The following KIF19 variants were observed in gnomAD, a reference collection of about 807,000 sequenced individuals.
The protein encoded by KIF19 is kinesin-like protein KIF19.
A neutral mutation model predicts 106.6 loss-of-function variants in KIF19; 98 were observed. The observed-to-expected ratio is 0.92, with a 90% CI of 0.78 to 1.09. The LOEUF (loss-of-function observed/expected upper bound fraction) is 1.09. Ranked by LOEUF, KIF19 falls within the 50% of genes least tolerant of loss-of-function variation. The probability of loss-of-function intolerance (pLI) is 0.00; values close to 1 mark genes in which losing one functional copy is unlikely to be tolerated. For missense variants in KIF19, 1,373 were observed against 1,414.3 expected (o/e 0.97, Z 0.47); for synonymous variants, 516 against 584.2 (o/e 0.88, Z 1.68).
At chr17:74,341,151 A>G (rs755530466) in intron 2 of KIF19, among the ~76,000 whole-genome samples, 1 of 152,122 alleles carries the variant, frequency 6.6e-6, no homozygotes, top group Non-Finnish European at 1.5e-5. Context: ...CCTGGCCAAC[A>G]TGGAGAAACC....
chr17:74,353,065 G>A, intron 15 of KIF19, 111 bp downstream of exon 15: 4 of 1,455,652 alleles, frequency 2.7e-6, no homozygotes, highest in Non-Finnish European at 3.8e-6. Flanking sequence ...GGGAGCAGGT[G>A]GCCCAGGTCT....
At chr17:74,339,391 A>G (rs7502071) in intron 2 of KIF19, among the ~76,000 whole-genome samples, 74,090 of 151,648 alleles carry the variant, frequency 0.49, 18,848 homozygotes, top group East Asian at 0.55. Flanking sequence ...GCTCAGTCAC[A>G]ATGATCCATT....
intron 2 of KIF19, among the ~76,000 whole-genome samples, chr17:74,333,479 C>T (rs2054145845): frequency 6.6e-6 from 1 of 150,900 alleles, no homozygotes; most frequent in African/African-American, 2.4e-5. Context: ...TCTTCTGTCT[C>T]AGTCTCCCAA....
At chr17:74,355,040 C>A in intron 19 of KIF19, 99 bp downstream of exon 19, 1 of 1,549,948 alleles carries the variant, frequency 6.5e-7, no homozygotes, top group Non-Finnish European at 8.8e-7. Context: ...CTGCCCCTTG[C>A]TGGAAGCATG....
At chr17:74,340,046 G>A (rs1385683445) in intron 2 of KIF19, among the ~76,000 whole-genome samples, 1 of 152,180 alleles carries the variant, frequency 6.6e-6, no homozygotes, top group African/African-American at 2.4e-5. Context: ...CCAGCGCTGT[G>A]CCCAAGCACA....
rs1365527585 is a variant in KIF19 at position 74,343,065 on chromosome 17, C to T, written c.361C>T (p.Pro121Ser). The change falls in exon 5 of 20, where the codon CCT (proline) becomes TCT (serine). Residue 121 changes from proline (P) to serine (S), a missense_variant. This residue lies in a region of KIF19 where 348 missense variants were observed against 389.5 expected (regional missense o/e 0.89). Transcript: ENST00000389916. The part of the protein sequence containing the change: ...TYTMLGTDQE[P>S]GIYVQTLNDL... ...CACCATGCTGGGCACAGACCAGGAGCCTGGCATCTATGTTCAGACCCTCAA... is the reference window on the plus strand; with the variant it reads ...CACCATGCTGGGCACAGACCAGGAGTCTGGCATCTATGTTCAGACCCTCAA... The T allele has an allele frequency of 1.2e-6, 2 of 1,612,756 alleles. No individual in the cohort carries two copies. The highest frequency in any genetic ancestry group is 1.7e-6 in the Non-Finnish European group (2 of 1,179,718).
chr17:74,332,202 GTGTGTGTT>G (rs766152359), intron 2 of KIF19, among the ~76,000 whole-genome samples: 31,880 of 99,246 alleles, frequency 0.32, 4,178 homozygotes, highest in Admixed American at 0.5. Flanking sequence ...GTGTGTGTGT[GTGTGTGTT>G]TGTGTGTGTG....
At position 74,343,092 on chromosome 17, in the gene KIF19, G is replaced by A. The variant is rs767390990; in HGVS notation, c.388G>A (p.Asp130Asn). 1.4e-5 allele frequency: 22 copies of A among 1,613,020 alleles called. No individual in the cohort carries two copies. The highest frequency in any genetic ancestry group is 2.7e-5 in the African/African-American group (2 of 74,890). ...EPGIYVQTLNDLFRAIEETSN... is the reference protein window; with the variant it reads ...EPGIYVQTLNNLFRAIEETSN... ...TGGCATCTATGTTCAGACCCTCAAC[G>A]ACCTCTTCCGTGCCATCGAGGAGAC... Residue 130 changes from aspartate (D) to asparagine (N), a missense_variant, in exon 5 of 20, where the codon GAC (aspartate) becomes AAC (asparagine). Physicochemically the swap from Asp to Asn is conservative, Grantham distance 23. Transcript: ENST00000389916.
chr17:74,353,369 G>A, intron 16 of KIF19, 68 bp downstream of exon 16: 1 of 1,464,398 alleles, frequency 6.8e-7, no homozygotes, highest in Non-Finnish European at 9.4e-7. Flanking sequence ...GGGGTGGACA[G>A]CAGCAGTTGG....
chr17:74,345,736 G>A (rs998129169), intron 7 of KIF19, among the ~76,000 whole-genome samples: 2 of 152,130 alleles, frequency 1.3e-5, no homozygotes, highest in African/African-American at 2.4e-5. Flanking sequence ...ATCTGGGGTC[G>A]GATCCGAACA....
intron 1 of KIF19, 150 bp downstream of exon 1, chr17:74,326,538 T>C: frequency 1.6e-6 from 1 of 638,026 alleles, no homozygotes; most frequent in South Asian, 2.3e-5. Context: ...TTTCCCCAAG[T>C]CCTGCAGGAT....
At chr17:74,347,445 G>A (rs921819736) in intron 8 of KIF19, among the ~76,000 whole-genome samples, 2 of 151,632 alleles carry the variant, frequency 1.3e-5, no homozygotes, top group East Asian at 1.9e-4. Flanking sequence ...GCTGAGGCAC[G>A]AGAATTGCTT....
intron 8 of KIF19, 88 bp from the exon 9 acceptor site, chr17:74,347,689 C>A: frequency 6.8e-7 from 1 of 1,461,650 alleles, no homozygotes; most frequent in South Asian, 1.3e-5. Context: ...AGAGAGATTG[C>A]ACTCGCCAGG....
chr17:74,351,872 G>A lies in KIF19; in HGVS notation c.1593G>A (p.Ala531=), dbSNP rs748084952. Residue 531 remains alanine (A), a synonymous_variant, in exon 13 of 20, where the codon GCG becomes GCA. Transcript: ENST00000389916. ...CTGACCTGCGCCTCCTGCAGCTGGC[G>A]CTGGAGCAGCGCTGCCGGGAGCTGC... ...EQKQLRKQKL[A]LEQRCRELRA... is the part of the protein sequence containing the mutation. 7.9e-6 allele frequency: 11 copies of A among 1,386,216 alleles called. No individual in the cohort carries two copies. The highest frequency in any genetic ancestry group is 9.3e-6 in the Non-Finnish European group (10 of 1,078,304). The allele number at this position is 1,386,216 out of a possible 1,614,324, so 85.9% of individuals were successfully genotyped here.
In KIF19 at chr17:74,352,148, C is replaced by T. The variant is rs549882135; in HGVS notation, c.1858+11C>T. On this transcript the variant is annotated intron_variant, in intron 13 of 19. Coordinates refer to ENST00000389916, the MANE Select transcript of KIF19 (RefSeq NM_153209.4). ...GGCAGATCATCGACGGTAGGGCCCA[C>T]GCCCCCGCGCATCTGAGCCACCCGC... The T allele has an allele frequency of 5.7e-6, 9 of 1,582,350 alleles. No homozygotes were observed. In the East Asian group the frequency reaches 1.8e-4, roughly 32 times the overall value.
At chr17:74,334,730 T>G (rs2054179656) in intron 2 of KIF19, among the ~76,000 whole-genome samples, 1 of 152,092 alleles carries the variant, frequency 6.6e-6, no homozygotes, top group South Asian at 2.1e-4. Flanking sequence ...CAACAAATTC[T>G]CCTTTAAAGA....
Position 74,326,254 on chromosome 17 carries a change from G to A in KIF19, c.-96G>A. 1.7e-6 allele frequency: 2 copies of A among 1,169,900 alleles called. No individual in the cohort carries two copies. Among genetic ancestry groups the A allele is most frequent in the Non-Finnish European group, 2.4e-6 (2 of 838,532 alleles). The allele number at this position is 1,169,900 out of a possible 1,614,324, so 72.5% of individuals were successfully genotyped here. A position where few individuals can be genotyped will look rare whatever the true frequency, so the allele number is the denominator to read the frequency against. On this transcript the variant is annotated 5_prime_UTR_variant, in exon 1 of 20. Transcript: ENST00000389916. ...TTGTCAGGCAGCGCGCGAGGCGGCG[G>A]GCAGCTAGCAGCTGGCGGACGCGAC...
rs377733585 is a variant in KIF19, at chr17:74,354,443, G to C, written c.2590G>C (p.Gly864Arg). The C allele has an allele frequency of 5.6e-6, 9 of 1,610,386 alleles. No homozygotes were observed. Among genetic ancestry groups the C allele is most frequent in the Non-Finnish European group, 7.6e-6 (9 of 1,178,948 alleles). The change falls in exon 18 of 20, where the codon GGC (glycine) becomes CGC (arginine). Residue 864 changes from glycine to arginine, a missense_variant. By Grantham distance (125) the Gly-to-Arg change is moderately radical. Transcript: ENST00000389916. The stretch of plus-strand genomic sequence containing the variant: ...CCGGGCAGTCGGACATCATGGGGAC[G>C]GCCCCAGGCCCTGGCTGCGTGGCCA... Reference protein sequence around the residue: ...PSRAVGHHGDGPRPWLRGQKK... With the variant: ...PSRAVGHHGDRPRPWLRGQKK...
chr17:74,350,049 T>G (rs910950698), intron 10 of KIF19, among the ~76,000 whole-genome samples: 4 of 152,232 alleles, frequency 2.6e-5, no homozygotes, highest in African/African-American at 9.6e-5. Flanking sequence ...TCTGCCTGCC[T>G]AGGCCTCCCA....
Sources: allele counts gnomAD v4.1 joint callset (sites outside exome capture counted in the v4.1 genomes callset), GRCh38; gene constraint gnomAD v4.1.1; regional missense constraint gnomAD v4.1.1; transcripts MANE v1.5; gene names NCBI Gene and HGNC (gene_info 2026-07-23, HGNC 2026-07-21).